The following SOX5 variants were observed in gnomAD, a reference collection of about 807,000 sequenced individuals.
SOX5 encodes the protein SRY-box transcription factor 5.
A neutral mutation model predicts 92.0 loss-of-function variants in SOX5; 9 were observed. That is an observed-to-expected ratio of 0.10 (90% CI 0.06 to 0.17). The LOEUF is 0.17. Ranked by LOEUF, SOX5 falls within the 10% of genes least tolerant of loss-of-function variation. The pLI, the probability that SOX5 is intolerant of heterozygous loss-of-function variation, is 1.00. For synonymous variants in SOX5, 344 were observed against 336.3 expected (o/e 1.02, Z -0.25); for missense variants, 642 against 944.5 (o/e 0.68, Z 4.20).
At chr12:24,020,719 G>A (rs1049548598) in intron 4 of SOX5, among the ~76,000 whole-genome samples, 5 of 152,128 alleles carry the variant, frequency 3.3e-5, no homozygotes, top group African/African-American at 1.2e-4. Flanking sequence ...TCAAATCACA[G>A]GATTTCAATT....
chr12:23,954,186 C>T (rs1946000384), upstream of SOX5, among the ~76,000 whole-genome samples: 1 of 151,938 alleles, frequency 6.6e-6, no homozygotes, highest in African/African-American at 2.4e-5. Flanking sequence ...AATATGTGGT[C>T]ATAGGTGCAA....
intron 2 of SOX5, among the ~76,000 whole-genome samples, chr12:24,355,282 C>CAATTTTTTTTTTTTTTTTTTTTTT (rs1221012836): frequency 1.4e-5 from 1 of 71,920 alleles, no homozygotes; most frequent in Non-Finnish European, 2.3e-5. Context: ...AGGGGTGCAT[C>CAATTTTTTTTTTTTTTTTTTTTTT]TTTTTTTTTT....
At chr12:23,654,524 T>C (rs1268605413) in intron 7 of SOX5, among the ~76,000 whole-genome samples, 2 of 152,126 alleles carry the variant, frequency 1.3e-5, no homozygotes, top group African/African-American at 4.8e-5. Context: ...TTCATATCAT[T>C]TTATACTTTC....
chr12:23,683,377 C>T (rs960067410), intron 6 of SOX5, among the ~76,000 whole-genome samples: 1 of 149,596 alleles, frequency 6.7e-6, no homozygotes, highest in Non-Finnish European at 1.5e-5. Context: ...GTGAAAACTT[C>T]GGTTCATGTT....
chr12:24,543,758 G>T (rs1043375737), intron 1 of SOX5, among the ~76,000 whole-genome samples: 1 of 152,172 alleles, frequency 6.6e-6, no homozygotes, highest in Non-Finnish European at 1.5e-5. Flanking sequence ...TAAGGATGGA[G>T]TTACTTGAAC....
rs114165043 is a variant in SOX5 at position 23,972,873 on chromosome 12, C to T, written c.-1-76849G>A. On this transcript the variant is annotated intron_variant, in intron 4 of 4. Transcript: ENST00000446891. ...TTTTATAATATACAACACATTATTA[C>T]TGTGACCACCATGCAGTGCAATAGA... Among the ~76,000 whole-genome samples the T allele has an allele frequency of 8.3e-3, 1,257 of 152,146 alleles. 25 individuals carry two copies. Among genetic ancestry groups the T allele is most frequent in the African/African-American group, 0.029 (1,195 of 41,490 alleles).
At chr12:23,840,375 G>A (rs1231320409) in intron 3 of SOX5, among the ~76,000 whole-genome samples, 1 of 152,064 alleles carries the variant, frequency 6.6e-6, no homozygotes, top group Non-Finnish European at 1.5e-5. Flanking sequence ...TCATGAATAT[G>A]ATAACTTGGT....
intron 4 of SOX5, among the ~76,000 whole-genome samples, chr12:24,033,394 T>A (rs983235806): frequency 6.6e-6 from 1 of 151,966 alleles, no homozygotes; most frequent in Non-Finnish European, 1.5e-5. Context: ...GCTCTGAAAC[T>A]CACAGGACCA....
chr12:24,430,423 T>G (rs941431477), intron 1 of SOX5, among the ~76,000 whole-genome samples: 17 of 151,916 alleles, frequency 1.1e-4, no homozygotes, highest in African/African-American at 4.1e-4. Flanking sequence ...AGATTCTAAA[T>G]GTATATTTAT....
intron 1 of SOX5, among the ~76,000 whole-genome samples, chr12:23,932,892 G>T (rs888881509): frequency 6.6e-6 from 1 of 151,606 alleles, no homozygotes. Context: ...TAGTTTTGAA[G>T]ATAAGTGTTA....
At chr12:23,955,734 GTTTCT>G (rs766952417), upstream of SOX5, among the ~76,000 whole-genome samples, 18 of 151,212 alleles carry the variant, frequency 1.2e-4, no homozygotes, top group Non-Finnish European at 1.9e-4. Flanking sequence ...AAATCGGAAG[GTTTCT>G]TTTGAGTAAA....
intron 1 of SOX5, among the ~76,000 whole-genome samples, chr12:24,421,299 G>A (rs1368501512): frequency 6.6e-6 from 1 of 151,874 alleles, no homozygotes; most frequent in African/African-American, 2.4e-5. Flanking sequence ...TGTTTTGTGT[G>A]GTCTTTGATA....
At chr12:23,848,350 T>C (rs959336817) in intron 2 of SOX5, among the ~76,000 whole-genome samples, 2 of 152,166 alleles carry the variant, frequency 1.3e-5, no homozygotes, top group African/African-American at 4.8e-5. Context: ...GAAAAATAAA[T>C]GTTTTAAAGT....
At chr12:24,160,890 T>C (rs925429074) in intron 4 of SOX5, among the ~76,000 whole-genome samples, 1 of 152,046 alleles carries the variant, frequency 6.6e-6, no homozygotes, top group South Asian at 2.1e-4. Context: ...ACACAAACAA[T>C]AGCATGTGCA....
At chr12:24,245,096 G>A (rs1028817505) in intron 3 of SOX5, among the ~76,000 whole-genome samples, 14 of 152,148 alleles carry the variant, frequency 9.2e-5, no homozygotes, top group African/African-American at 2.2e-4. Context: ...TCATCACAGT[G>A]TTTACTCTTC....
intron 4 of SOX5, among the ~76,000 whole-genome samples, chr12:24,106,353 G>A (rs1019432944): frequency 7.2e-5 from 11 of 152,132 alleles, no homozygotes; most frequent in Non-Finnish European, 1.3e-4. Context: ...TGGGACTGTG[G>A]ATACTTACAA....
chr12:24,528,279 T>A (rs1950887215), intron 1 of SOX5, among the ~76,000 whole-genome samples: 3 of 152,198 alleles, frequency 2.0e-5, no homozygotes, highest in African/African-American at 7.2e-5. Flanking sequence ...TACATCCCCT[T>A]TTATGGAAAA....
At chr12:24,308,097 G>T (rs1364567739) in intron 2 of SOX5, among the ~76,000 whole-genome samples, 1 of 152,118 alleles carries the variant, frequency 6.6e-6, no homozygotes, top group Non-Finnish European at 1.5e-5. Flanking sequence ...GTGTGCTCAA[G>T]CATGCCTATT....
intron 1 of SOX5, among the ~76,000 whole-genome samples, chr12:24,376,729 T>A (rs909784243): frequency 4.1e-4 from 19 of 46,522 alleles, no homozygotes; most frequent in African/African-American, 9.4e-4. Flanking sequence ...TTTTTTTTTT[T>A]ACAGAGTCTC....
Sources: gnomAD v4.1 joint callset for allele counts (sites outside exome capture counted in the v4.1 genomes callset) on GRCh38, gnomAD v4.1.1 for gene constraint, MANE v1.5 for transcripts, NCBI Gene and HGNC (gene_info 2026-07-23, HGNC 2026-07-21) for gene names.